The following GRAMD1C variants were observed in gnomAD, a reference collection of about 807,000 sequenced individuals.
GRAMD1C encodes GRAM domain containing 1C.
A neutral mutation model predicts 97.8 loss-of-function variants in GRAMD1C; 89 were observed. That is an observed-to-expected ratio of 0.91 (90% confidence interval 0.77 to 1.09). The LOEUF (loss-of-function observed/expected upper bound fraction) is 1.09, where lower values mean the gene tolerates loss of function less well. Among genes scored for constraint, GRAMD1C ranks in the 50% least tolerant of loss-of-function variants. The probability of loss-of-function intolerance (pLI) is 0.00; values close to 1 mark genes in which losing one functional copy is unlikely to be tolerated. For missense variants in GRAMD1C, 740 were observed against 766.4 expected, an observed-to-expected ratio of 0.97 and a Z score of 0.41; for synonymous variants, 256 against 267.0, an observed-to-expected ratio of 0.96 and a Z score of 0.40.
chr3:113,864,731 G>C (rs1045336578), intron 2 of GRAMD1C, among the ~76,000 whole-genome samples: 1 of 152,128 alleles, frequency 6.6e-6, no homozygotes, highest in African/African-American at 2.4e-5. Flanking sequence ...AACCACTTAA[G>C]TAATCTCTAA....
In GRAMD1C at chr3:113,869,566, A is replaced by G; in HGVS notation, c.234A>G (p.Leu78=). The G allele has an allele frequency of 1.3e-6, 2 of 1,537,550 alleles. No homozygotes were observed. The highest frequency in any genetic ancestry group is 1.2e-5 in the South Asian group (1 of 84,370). Residue 78 remains leucine (L), a synonymous_variant, in exon 3 of 18, where the codon CTA becomes CTG. Transcript: ENST00000358160. ...AATACAGAAGACAGTTCACACATCT[A>G]CCTGATACAGAGAGGCTGATAGCAG... ...NEEYRRQFTH[L]PDTERLIADY...
Position 113,946,963 on chromosome 3 carries a change from G to C in GRAMD1C, c.*1485G>C, listed in dbSNP as rs902154070. 3.3e-5 allele frequency: 5 copies of C among 152,156 alleles called. No individual in the cohort carries two copies. Among genetic ancestry groups the C allele is most frequent in the African/African-American group, 1.2e-4 (5 of 41,436 alleles). 9.4% of individuals were successfully genotyped at this position (152,156 alleles called of 1,614,324 possible). A position where few individuals can be genotyped will look rare whatever the true frequency, so the allele number is the denominator to read the frequency against. On this transcript the variant is annotated 3_prime_UTR_variant, in exon 18 of 18. Transcript: ENST00000358160. Reference sequence around the variant, plus strand: ...GCAAGAATGAGTGGATTATAAACTTGAAGATTTCTCTGTTAAAGTCACAAA... The same window carrying C: ...GCAAGAATGAGTGGATTATAAACTTCAAGATTTCTCTGTTAAAGTCACAAA...
intron 8 of GRAMD1C, among the ~76,000 whole-genome samples, chr3:113,904,610 GTTT>G (rs199523688): frequency 3.4e-5 from 5 of 146,820 alleles, no homozygotes; most frequent in South Asian, 2.2e-4. Context: ...GAAAGAATCT[GTTT>G]TTTTTTTTTT....
At chr3:113,892,938 A>G (rs1241545673) in intron 6 of GRAMD1C, among the ~76,000 whole-genome samples, 1 of 152,128 alleles carries the variant, frequency 6.6e-6, no homozygotes, top group Non-Finnish European at 1.5e-5. Context: ...GACTAGTTTT[A>G]CATTTTTAAA....
chr3:113,855,900 C>A (rs1332234415), intron 2 of GRAMD1C, among the ~76,000 whole-genome samples: 2 of 151,242 alleles, frequency 1.3e-5, no homozygotes, highest in Non-Finnish European at 3.0e-5. Context: ...TTAAAAAATT[C>A]TTTTTTGAGA....
Position 113,850,291 on chromosome 3 carries a change from G to A in GRAMD1C, c.174+5642G>A, listed in dbSNP as rs182720396. 7.3e-4 allele frequency: 498 copies of A among 685,466 alleles called. 2 individuals carry two copies. The African/African-American group carries it at 7.6e-3, about 11-fold the overall frequency. 42.5% of individuals were successfully genotyped at this position (685,466 alleles called of 1,614,324 possible). ...CAAATCTGCCTTTAAACTGGAATTC[G>A]GTTGCTGACACAGCCCCAGCCTCGA... is the stretch of plus-strand genomic sequence containing the variant. On this transcript the variant is annotated intron_variant, in intron 2 of 17. Transcript: ENST00000358160.
At chr3:113,855,982 C>T (rs569161644) in intron 2 of GRAMD1C, among the ~76,000 whole-genome samples, 6 of 151,734 alleles carry the variant, frequency 4.0e-5, no homozygotes, top group South Asian at 2.1e-4. Context: ...TCCGCCTCTC[C>T]GTTTCAAGGG....
At chr3:113,862,294 C>T (rs1226443762) in intron 2 of GRAMD1C, among the ~76,000 whole-genome samples, 1 of 152,168 alleles carries the variant, frequency 6.6e-6, no homozygotes, top group Non-Finnish European at 1.5e-5. Context: ...ACAGCTGTGA[C>T]TGTAAAAGAG....
In GRAMD1C at chr3:113,945,682, G is replaced by C; in HGVS notation, c.*204G>C. The C allele has an allele frequency of 2.0e-6, 1 of 497,892 alleles. No homozygotes were observed. Among genetic ancestry groups the C allele is most frequent in the Non-Finnish European group, 3.5e-6 (1 of 282,584 alleles). 30.8% of individuals were successfully genotyped at this position (497,892 alleles called of 1,614,324 possible). A position where few individuals can be genotyped will look rare whatever the true frequency, so the allele number is the denominator to read the frequency against. Reference sequence around the variant, plus strand: ...ATAATCCATCCTTTCACTTCTTATAGATATTTTTAAGCTGTGAATTTCTTC... The same window carrying C: ...ATAATCCATCCTTTCACTTCTTATACATATTTTTAAGCTGTGAATTTCTTC... On this transcript the variant is annotated 3_prime_UTR_variant, in exon 18 of 18. Coordinates refer to ENST00000358160, the MANE Select transcript of GRAMD1C (RefSeq NM_017577.5).
intron 1 of GRAMD1C, among the ~76,000 whole-genome samples, chr3:113,840,957 G>A (rs543323758): frequency 2.6e-5 from 4 of 152,204 alleles, no homozygotes; most frequent in South Asian, 4.1e-4. Context: ...GCAAGACTGC[G>A]TACTCTATGG....
chr3:113,861,076 T>G (rs951419404), intron 2 of GRAMD1C, among the ~76,000 whole-genome samples: 1 of 151,930 alleles, frequency 6.6e-6, no homozygotes, highest in Non-Finnish European at 1.5e-5. Flanking sequence ...TTTTTGAGTG[T>G]CAAAACAATT....
intron 10 of GRAMD1C, among the ~76,000 whole-genome samples, chr3:113,916,122 T>C (rs1452425457): frequency 2.6e-5 from 4 of 152,216 alleles, no homozygotes; most frequent in African/African-American, 9.6e-5. Flanking sequence ...TTGAACTCAA[T>C]TCAAAATGGT....
At chr3:113,913,649 G>C (rs16861411) in intron 9 of GRAMD1C, among the ~76,000 whole-genome samples, 1 of 152,042 alleles carries the variant, frequency 6.6e-6, no homozygotes, top group Non-Finnish European at 1.5e-5. Context: ...ACCTCTGTTT[G>C]GGGAGTTTTA....
chr3:113,905,779 T>G (rs1455662466), intron 8 of GRAMD1C, among the ~76,000 whole-genome samples: 4 of 152,028 alleles, frequency 2.6e-5, no homozygotes, highest in African/African-American at 9.7e-5. Context: ...CACTGCAGCC[T>G]CCGCCTCCTG....
intron 9 of GRAMD1C, chr3:113,912,974 A>G (rs1018266837): frequency 1.1e-5 from 3 of 278,666 alleles, no homozygotes; most frequent in Non-Finnish European, 2.1e-5. Flanking sequence ...TAAAATTGTA[A>G]GATCCTTGCC....
At chr3:113,932,115 T>C (rs1206309987) in intron 11 of GRAMD1C, among the ~76,000 whole-genome samples, 1 of 152,216 alleles carries the variant, frequency 6.6e-6, no homozygotes, top group East Asian at 1.9e-4. Context: ...AGAGTGGCAG[T>C]GTCTTACAGT....
chr3:113,874,565 G>A (rs952178625), intron 3 of GRAMD1C, among the ~76,000 whole-genome samples: 2 of 151,992 alleles, frequency 1.3e-5, no homozygotes, highest in African/African-American at 2.4e-5. Flanking sequence ...GGTTGGTCTT[G>A]AACTTCAGAA....
rs1238042813 is a variant in GRAMD1C, at chr3:113,885,395, G to A, written c.540+2563G>A. On this transcript the variant is annotated intron_variant, in intron 6 of 17. Coordinates refer to ENST00000358160, the MANE Select transcript of GRAMD1C (RefSeq NM_017577.5). ...ATTTACCTTTTGCGGGGGCAGATCCGCACGGTAATTCAGTACCAAACTGTT... is the reference window on the plus strand; with the variant it reads ...ATTTACCTTTTGCGGGGGCAGATCCACACGGTAATTCAGTACCAAACTGTT... The A allele has an allele frequency of 2.5e-6, 4 of 1,579,024 alleles. No homozygotes were observed. In the African/African-American group the frequency reaches 5.4e-5, roughly 21 times the overall value.
chr3:113,873,464 C>T (rs979711130), intron 3 of GRAMD1C, among the ~76,000 whole-genome samples: 12 of 152,090 alleles, frequency 7.9e-5, no homozygotes, highest in Non-Finnish European at 1.5e-4. Context: ...CAGACGCAAC[C>T]CAGAACTATT....
Sources: gnomAD v4.1 joint callset for allele counts (sites outside exome capture counted in the v4.1 genomes callset) on GRCh38, gnomAD v4.1.1 for gene constraint, MANE v1.5 for transcripts, NCBI Gene and HGNC (gene_info 2026-07-23, HGNC 2026-07-21) for gene names.